The following AK8 variants were observed in gnomAD, a reference collection of about 807,000 sequenced individuals.
AK8 encodes the protein ATP-AMP transphosphorylase 8.
In AK8, 44 loss-of-function variants were observed where a neutral mutation model predicts 54.6. The ratio of observed to expected loss-of-function variants is 0.81; its 90% CI spans 0.63 to 1.04. The LOEUF (loss-of-function observed/expected upper bound fraction) is 1.04, where lower values mean the gene tolerates loss of function less well. AK8 is among the 50% of genes least tolerant of loss of function. The probability of loss-of-function intolerance (pLI) is 0.00; values close to 1 mark genes in which losing one functional copy is unlikely to be tolerated. For missense variants in AK8, 555 were observed against 613.6 expected (o/e 0.90, Z 1.01); for synonymous variants, 239 against 245.6 (o/e 0.97, Z 0.25).
At chr9:132,877,694 G>A (rs938703885) in intron 1 of AK8, 1 of 380,016 alleles carries the variant, frequency 2.6e-6, no homozygotes, top group Non-Finnish European at 5.3e-6. Context: ...TGCTGTCCCA[G>A]AGGCGGCCCT....
intron 10 of AK8, among the ~76,000 whole-genome samples, chr9:132,795,157 G>A (rs1036886816): frequency 1.2e-4 from 19 of 152,168 alleles, no homozygotes; most frequent in Non-Finnish European, 1.8e-4. Flanking sequence ...CCTCTGCCTC[G>A]AGACATTTGT....
intron 11 of AK8, among the ~76,000 whole-genome samples, chr9:132,762,966 A>G (rs1337014349): frequency 1.3e-5 from 2 of 152,214 alleles, no homozygotes; most frequent in African/African-American, 4.8e-5. Context: ...AACCAGGAGG[A>G]ACGTCTTCCT....
chr9:132,866,338 C>G (rs1843597019), intron 3 of AK8, among the ~76,000 whole-genome samples: 1 of 151,508 alleles, frequency 6.6e-6, no homozygotes, highest in Non-Finnish European at 1.5e-5. Context: ...GCGAGGTGGG[C>G]CCAGGCATTT....
chr9:132,732,056 T>C (rs1030193874), intron 11 of AK8, among the ~76,000 whole-genome samples: 12 of 152,342 alleles, frequency 7.9e-5, no homozygotes, highest in African/African-American at 2.9e-4. Flanking sequence ...TAGTTATTAG[T>C]GTACCTGAGT....
At chr9:132,763,049 C>T (rs1838559532) in intron 11 of AK8, among the ~76,000 whole-genome samples, 1 of 152,200 alleles carries the variant, frequency 6.6e-6, no homozygotes, top group African/African-American at 2.4e-5. Context: ...CACTGGGGTC[C>T]TCACAGGCCC....
In AK8 at chr9:132,828,616, C is replaced by A. The variant is rs756534486; in HGVS notation, c.484+29G>T. On this transcript the variant is annotated intron_variant, in intron 6 of 12. Transcript: ENST00000298545. Reference sequence around the variant, plus strand: ...CCACCCCTTGGGGCTGCAGCTCTGGCAGGTGGGGGACCCTTGGGAGCTACT... The same window carrying A: ...CCACCCCTTGGGGCTGCAGCTCTGGAAGGTGGGGGACCCTTGGGAGCTACT... 7 of 1,595,946 alleles carry A rather than the reference C, an allele frequency of 4.4e-6. No individual in the cohort carries two copies. In the African/African-American group the frequency reaches 6.7e-5, roughly 15 times the overall value.
chr9:132,866,586 T>G (rs954753154), intron 3 of AK8, among the ~76,000 whole-genome samples: 3 of 152,126 alleles, frequency 2.0e-5, no homozygotes, highest in African/African-American at 7.2e-5. Flanking sequence ...CACGTGTACT[T>G]CTGGAAACGT....
intron 10 of AK8, among the ~76,000 whole-genome samples, chr9:132,801,612 G>A (rs1320302098): frequency 6.6e-6 from 1 of 152,160 alleles, no homozygotes; most frequent in East Asian, 1.9e-4. Context: ...CAGCAAGGAT[G>A]CCATAGCCCA....
At position 132,827,898 on chromosome 9, in the gene AK8, G is replaced by A. The variant is rs565994680; in HGVS notation, c.556+115C>T. 89 of 1,022,658 alleles carry A rather than the reference G, an allele frequency of 8.7e-5. 3 individuals carry two copies. In the South Asian group the frequency reaches 9.4e-4, roughly 11 times the overall value. 63.3% of individuals were successfully genotyped at this position (1,022,658 alleles called of 1,614,324 possible). On this transcript the variant is annotated intron_variant, in intron 7 of 12. Coordinates refer to ENST00000298545, the MANE Select transcript of AK8 (RefSeq NM_152572.3). ...AGCCCAGCCTGTGGCAGCCTTCCTC[G>A]TGTCCCTCTGTGGGTGCCCAGAGCA...
rs781517055 is a variant in AK8, at chr9:132,826,256, G to T, written c.757+598C>A. On this transcript the variant is annotated intron_variant, in intron 8 of 12. Transcript: ENST00000298545. The surrounding 1 kb of genome is among the most constrained non-coding windows in gnomAD (Gnocchi z 4.5). ...GCCAGAGGCTGCACAGCTGGGCTGCGTCGGGGCTGAGATTTGAACAGGTTG... is the reference window on the plus strand; with the variant it reads ...GCCAGAGGCTGCACAGCTGGGCTGCTTCGGGGCTGAGATTTGAACAGGTTG... 6.6e-6 allele frequency among the ~76,000 whole-genome samples: 1 copy of T among 152,170 alleles called. No individual in the cohort carries two copies. Among genetic ancestry groups the T allele is most frequent in the Non-Finnish European group, 1.5e-5 (1 of 68,018 alleles).
intron 9 of AK8, among the ~76,000 whole-genome samples, chr9:132,821,039 A>G (rs1277102675): frequency 2.6e-5 from 4 of 152,080 alleles, no homozygotes; most frequent in Non-Finnish European, 5.9e-5. Context: ...AGCAAAAACC[A>G]TGATGAGCTT....
chr9:132,863,962 G>C (rs541948745), intron 3 of AK8, among the ~76,000 whole-genome samples, 184 bp from the exon 4 acceptor site: 36 of 152,202 alleles, frequency 2.4e-4, no homozygotes, highest in African/African-American at 7.7e-4. Flanking sequence ...GCTGGCCTAA[G>C]AGCCCTGCTC....
At chr9:132,856,752 C>T (rs565488884) in intron 4 of AK8, among the ~76,000 whole-genome samples, 1 of 152,260 alleles carries the variant, frequency 6.6e-6, no homozygotes, top group South Asian at 2.1e-4. Flanking sequence ...GCGGGAGCTG[C>T]GGCAGCCACT....
At chr9:132,868,861 C>T (rs1843699048) in intron 2 of AK8, among the ~76,000 whole-genome samples, 1 of 152,138 alleles carries the variant, frequency 6.6e-6, no homozygotes. Context: ...TGTTTGGGTA[C>T]AAGTGCAGAA....
At position 132,856,615 on chromosome 9, in the gene AK8, G is replaced by A. The variant is rs192289220; in HGVS notation, c.334-1690C>T. ...TCTGCACACCCCACTCCCAGCCACTGTGATTGATTCAGAGGCTGCCTGGGA... is the reference window on the plus strand; with the variant it reads ...TCTGCACACCCCACTCCCAGCCACTATGATTGATTCAGAGGCTGCCTGGGA... On this transcript the variant is annotated intron_variant, in intron 4 of 12. Transcript: ENST00000298545. Among the ~76,000 whole-genome samples the A allele has an allele frequency of 1.8e-4, 28 of 152,308 alleles. No individual in the cohort carries two copies. In the East Asian group the frequency reaches 3.3e-3, roughly 18 times the overall value.
At chr9:132,756,354 C>T (rs1237186486) in intron 11 of AK8, among the ~76,000 whole-genome samples, 2 of 152,352 alleles carry the variant, frequency 1.3e-5, no homozygotes, top group Admixed American at 6.5e-5. Flanking sequence ...TGCTGTCGGG[C>T]CCAACTCTCT....
rs1203159291 is a variant in AK8, at chr9:132,844,040, A to G, written c.402+10817T>C. Among the ~76,000 whole-genome samples the G allele has an allele frequency of 2.0e-5, 3 of 152,320 alleles. No individual in the cohort carries two copies. In the East Asian group the frequency reaches 5.8e-4, roughly 29 times the overall value. On this transcript the variant is annotated intron_variant, in intron 5 of 12. Transcript: ENST00000298545. ...GGTGACTATGGTCAAGGTAAAATTT[A>G]GAATCTCTTTGGTACTGAGCCTTTC...
At chr9:132,808,871 A>G (rs909315528) in intron 10 of AK8, among the ~76,000 whole-genome samples, 1 of 152,130 alleles carries the variant, frequency 6.6e-6, no homozygotes, top group African/African-American at 2.4e-5. Flanking sequence ...CCAGGGAAGG[A>G]GGTCCAGTAC....
Position 132,751,901 on chromosome 9 carries a change from C to T in AK8, c.1122-24367G>A, listed in dbSNP as rs139165021. ...TGTCGCCCAGGCTGGAGTGCAGTGGCGCGATCTGGGCTCTGCAACATCTGC... is the reference window on the plus strand; with the variant it reads ...TGTCGCCCAGGCTGGAGTGCAGTGGTGCGATCTGGGCTCTGCAACATCTGC... On this transcript the variant is annotated intron_variant, in intron 11 of 12. Transcript: ENST00000298545. Among the ~76,000 whole-genome samples the T allele has an allele frequency of 8.9e-3, 1,343 of 151,576 alleles. 20 individuals carry two copies. Among genetic ancestry groups the T allele is most frequent in the African/African-American group, 0.031 (1,277 of 41,368 alleles).
Sources: allele counts gnomAD v4.1 joint callset (sites outside exome capture counted in the v4.1 genomes callset), GRCh38; gene constraint gnomAD v4.1.1; non-coding constraint Gnocchi (gnomAD v3.1); transcripts MANE v1.5; gene names NCBI Gene and HGNC (gene_info 2026-07-23, HGNC 2026-07-21).